The following TSNARE1 variants were observed in gnomAD, a reference collection of about 807,000 sequenced individuals.
TSNARE1 encodes the protein t-SNARE domain containing 1, also known as t-SNARE domain-containing protein 1.
In TSNARE1, 49 loss-of-function variants were observed where a neutral mutation model predicts 62.0. The observed-to-expected ratio is 0.79, with a 90% CI of 0.63 to 1.00. The LOEUF is 1.00. Ranked by LOEUF, TSNARE1 falls within the 50% of genes least tolerant of loss-of-function variation. TSNARE1 has a pLI of 0.00. For synonymous variants in TSNARE1, 328 were observed against 294.4 expected (o/e 1.11, Z -1.17); for missense variants, 755 against 700.1 (o/e 1.08, Z -0.88).
At chr8:142,271,357 G>A (rs913632665) in intron 12 of TSNARE1, 10 of 1,202,132 alleles carry the variant, frequency 8.3e-6, no homozygotes, top group African/African-American at 4.7e-5. Context: ...CCATGAGTGT[G>A]CTCTGCTGCT....
At chr8:142,255,830 C>CCAT (rs1554630335) in intron 12 of TSNARE1, among the ~76,000 whole-genome samples, 6 of 25,422 alleles carry the variant, frequency 2.4e-4, no homozygotes, top group African/African-American at 3.4e-4. Flanking sequence ...ATCACCACCA[C>CCAT]CACCACCACC....
At chr8:142,364,272 G>A (rs534428642) in intron 1 of TSNARE1, among the ~76,000 whole-genome samples, 53 of 152,270 alleles carry the variant, frequency 3.5e-4, no homozygotes, top group African/African-American at 1.1e-3. Flanking sequence ...CATCCTACCC[G>A]CCACACTAAG....
intron 11 of TSNARE1, chr8:142,277,332 A>T (rs547600789): frequency 1.0e-6 from 1 of 985,356 alleles, no homozygotes; most frequent in East Asian, 1.1e-4. Context: ...AGAGCAGCAC[A>T]CACACCTCAA....
intron 13 of TSNARE1, among the ~76,000 whole-genome samples, chr8:142,212,572 C>T (rs1236298707): frequency 1.3e-5 from 2 of 152,074 alleles, no homozygotes; most frequent in Admixed American, 1.3e-4. Flanking sequence ...GCACTCCATC[C>T]CTGCCCAGTC....
intron 12 of TSNARE1, among the ~76,000 whole-genome samples, chr8:142,258,477 C>CTTTTT (rs56675860): frequency 9.3e-6 from 1 of 107,258 alleles, no homozygotes; most frequent in Non-Finnish European, 1.8e-5. Flanking sequence ...AGAACTTGTG[C>CTTTTT]TTTTTTTTTT....
chr8:142,280,126 A>C (rs567687420), intron 11 of TSNARE1: 1 of 1,112,140 alleles, frequency 9.0e-7, no homozygotes, highest in African/African-American at 1.7e-5. Context: ...CGCCCCGAAC[A>C]GCAGCGGGTA....
In TSNARE1 at chr8:142,292,295, C is replaced by T. The variant is rs61292168; in HGVS notation, c.1291-7810G>A. On this transcript the variant is annotated intron_variant, in intron 10 of 13. Transcript: ENST00000524325. ...TGGAAGTTCTGACCCACAGAACCCA[C>T]GAGCTTCCCCCGTGGAAGCGAGGCG... 2.1e-3 allele frequency among the ~76,000 whole-genome samples: 313 copies of T among 152,296 alleles called. 2 individuals carry two copies. Among genetic ancestry groups the T allele is most frequent in the African/African-American group, 6.9e-3 (287 of 41,566 alleles).
At chr8:142,213,565 A>T (rs1171260644) in intron 13 of TSNARE1, among the ~76,000 whole-genome samples, 2 of 152,140 alleles carry the variant, frequency 1.3e-5, no homozygotes, top group East Asian at 3.9e-4. Context: ...AGGCAGCTGG[A>T]GACAGGGCTG....
chr8:142,223,263 CTCACTCATTCAG>C lies in TSNARE1; in HGVS notation c.*11+6198_*11+6209del, dbSNP rs1225342970. On this transcript the variant is annotated intron_variant, in intron 13 of 13. Transcript: ENST00000524325. ...ATCCACTCACTCACTCATTCACTCA[CTCACTCATTCAG>C]TCACTCACTCATACTCACTCAACCA... Among the ~76,000 whole-genome samples, 26 of 56,116 alleles carry C rather than the reference CTCACTCATTCAG, an allele frequency of 4.6e-4. 1 individual carries two copies. The South Asian group carries it at 0.011, about 23-fold the overall frequency. 36.8% of individuals were successfully genotyped at this position (56,116 alleles called of 152,430 possible).
chr8:142,313,151 T>C (rs1283714778), intron 9 of TSNARE1, among the ~76,000 whole-genome samples: 1 of 152,254 alleles, frequency 6.6e-6, no homozygotes, highest in African/African-American at 2.4e-5. Context: ...TGTGTCTGCA[T>C]GTCTATCTGT....
intron 2 of TSNARE1, among the ~76,000 whole-genome samples, chr8:142,351,401 C>G (rs7823508): frequency 0.48 from 73,016 of 152,060 alleles, 20,498 homozygotes; most frequent in African/African-American, 0.77. Flanking sequence ...TTTTTACTTT[C>G]TTGAAATGAA....
chr8:142,383,346 C>A (rs1836900891), intron 1 of TSNARE1, among the ~76,000 whole-genome samples: 1 of 152,246 alleles, frequency 6.6e-6, no homozygotes, highest in Non-Finnish European at 1.5e-5. Context: ...CACTTCAGGG[C>A]CCAGAGACAA....
chr8:142,311,377 A>C (rs111788747), intron 9 of TSNARE1, among the ~76,000 whole-genome samples: 27,799 of 143,764 alleles, frequency 0.19, 3,053 homozygotes, highest in South Asian at 0.29. Context: ...GGCTCACCAC[A>C]GCCTCTGCCT....
chr8:142,331,296 C>T (rs568757403), intron 5 of TSNARE1, among the ~76,000 whole-genome samples: 5 of 152,376 alleles, frequency 3.3e-5, no homozygotes, highest in African/African-American at 9.6e-5. Flanking sequence ...TCACCCCATC[C>T]GTTGCCCCTC....
intron 13 of TSNARE1, among the ~76,000 whole-genome samples, chr8:142,226,193 C>T (rs1000398451): frequency 2.6e-5 from 4 of 152,198 alleles, no homozygotes; most frequent in African/African-American, 9.7e-5. Flanking sequence ...GTACAGGGGT[C>T]ATCACCATCG....
At chr8:142,259,745 C>T (rs1050343564) in intron 12 of TSNARE1, among the ~76,000 whole-genome samples, 2 of 152,206 alleles carry the variant, frequency 1.3e-5, no homozygotes, top group African/African-American at 4.8e-5. Context: ...TACCGTTCTG[C>T]TACTTCCCTG....
At chr8:142,236,512 C>G (rs1467250437) in intron 12 of TSNARE1, among the ~76,000 whole-genome samples, 5 of 147,326 alleles carry the variant, frequency 3.4e-5, no homozygotes, top group Admixed American at 3.4e-4. Context: ...CCAAGTTGGC[C>G]CCCCTCCCCT....
chr8:142,277,941 C>T (rs775085058), intron 11 of TSNARE1: 13 of 985,434 alleles, frequency 1.3e-5, no homozygotes, highest in Non-Finnish European at 1.6e-5. Flanking sequence ...CTATCCTTGC[C>T]ATGAAGCACC....
chr8:142,277,673 C>T (rs532428253), intron 11 of TSNARE1: 1 of 985,442 alleles, frequency 1.0e-6, no homozygotes, highest in South Asian at 4.7e-5. Flanking sequence ...GCAGGGCAGG[C>T]CACTCAAAGC....
Sources: allele counts gnomAD v4.1 joint callset (sites outside exome capture counted in the v4.1 genomes callset), GRCh38; gene constraint gnomAD v4.1.1; transcripts MANE v1.5; gene names NCBI Gene and HGNC (gene_info 2026-07-23, HGNC 2026-07-21).